ACAD11: variants seen among roughly 807,000 people sequenced by gnomAD.
ACAD11 encodes acyl-Coenzyme A dehydrogenase family, member 11.
In ACAD11, 83 loss-of-function variants were observed where a neutral mutation model predicts 102.2. The observed-to-expected ratio is 0.81, with a 90% CI of 0.68 to 0.97. The LOEUF is 0.97. Ranked by LOEUF, ACAD11 falls within the 50% of genes least tolerant of loss-of-function variation. The pLI is 0.00. For synonymous variants in ACAD11, 324 were observed against 319.8 expected, an observed-to-expected ratio of 1.01 and a Z score of -0.14; for missense variants, 901 against 951.7, an observed-to-expected ratio of 0.95 and a Z score of 0.70.
chr3:132,645,832 G>C (rs1031230172), intron 1 of ACAD11: 2 of 152,212 alleles, frequency 1.3e-5, no homozygotes, highest in Admixed American at 6.5e-5. Flanking sequence ...ACTGGTTTTG[G>C]TACCATCTAA....
chr3:132,582,760 T>C (rs925231244), intron 13 of ACAD11, among the ~76,000 whole-genome samples: 13 of 151,874 alleles, frequency 8.6e-5, no homozygotes, highest in Non-Finnish European at 1.9e-4. Flanking sequence ...CTAAAATGGG[T>C]GACTCTGTTC....
chr3:132,577,132 G>T, intron 15 of ACAD11, 117 bp from the exon 16 acceptor site: 1 of 686,916 alleles, frequency 1.5e-6, no homozygotes, highest in Non-Finnish European at 2.5e-6. Flanking sequence ...GATCCATATG[G>T]CATGAACATT....
Position 132,594,614 on chromosome 3 carries a change from A to G in ACAD11, c.1621+8615T>C, listed in dbSNP as rs137955929. ...AAATTTAAATAAGTACCAACAATAC[A>G]GTGAAAAGACTGGTATATCTGATCT... On this transcript the variant is annotated intron_variant, in intron 13 of 19. Coordinates refer to ENST00000264990, the MANE Select transcript of ACAD11 (RefSeq NM_032169.5). Among the ~76,000 whole-genome samples the G allele has an allele frequency of 2.9e-4, 44 of 152,334 alleles. 1 individual carries two copies. In the East Asian group the frequency reaches 7.7e-3, roughly 27 times the overall value.
intron 17 of ACAD11, among the ~76,000 whole-genome samples, chr3:132,562,910 A>G (rs777132771): frequency 9.8e-5 from 15 of 152,322 alleles, no homozygotes; most frequent in Non-Finnish European, 1.8e-4. Flanking sequence ...CTAATCCCAG[A>G]AAATGATTTT....
At position 132,612,291 on chromosome 3, in the gene ACAD11, A is replaced by C. The variant is rs1234861554; in HGVS notation, c.1414+6343T>G. On this transcript the variant is annotated intron_variant, in intron 11 of 19. Coordinates refer to ENST00000264990, the MANE Select transcript of ACAD11 (RefSeq NM_032169.5). ...AAAACCCTAGAAGAAAACCTAGGCA[A>C]TACCATTCAGGACATAGGTATGGGC... 5.3e-5 allele frequency among the ~76,000 whole-genome samples: 8 copies of C among 152,050 alleles called. 1 individual carries two copies. Among genetic ancestry groups the C allele is most frequent in the African/African-American group, 1.5e-4 (6 of 41,310 alleles).
At chr3:132,559,726 T>C in intron 19 of ACAD11, 107 bp downstream of exon 19, 1 of 844,398 alleles carries the variant, frequency 1.2e-6, no homozygotes, top group Non-Finnish European at 1.9e-6. Context: ...TCATTTAGCC[T>C]TCAATTACAC....
Position 132,631,219 on chromosome 3 carries a change from A to T in ACAD11, c.841+122T>A, listed in dbSNP as rs535315341. On this transcript the variant is annotated intron_variant, in intron 6 of 19. Coordinates refer to ENST00000264990, the MANE Select transcript of ACAD11 (RefSeq NM_032169.5). Reference sequence around the variant, plus strand: ...TAAAATAAAAATAAAAATCATAATAAAATAGAAATGTTTAAGAAACAAAAA... The same window carrying T: ...TAAAATAAAAATAAAAATCATAATATAATAGAAATGTTTAAGAAACAAAAA... 3.2e-5 allele frequency: 16 copies of T among 497,816 alleles called. No individual in the cohort carries two copies. The South Asian group carries it at 1.7e-3, about 52-fold the overall frequency. 30.8% of individuals were successfully genotyped at this position (497,816 alleles called of 1,614,324 possible).
chr3:132,602,944 A>G (rs1440559104), intron 13 of ACAD11, among the ~76,000 whole-genome samples: 1 of 152,110 alleles, frequency 6.6e-6, no homozygotes, highest in Non-Finnish European at 1.5e-5. Flanking sequence ...TTGGGATTAC[A>G]GGTGCCTGTC....
chr3:132,629,652 T>C (rs1480964506), intron 7 of ACAD11, among the ~76,000 whole-genome samples: 1 of 152,222 alleles, frequency 6.6e-6, no homozygotes, highest in African/African-American at 2.4e-5. Context: ...ACACAACTAT[T>C]TCAGTTGTTC....
intron 17 of ACAD11, among the ~76,000 whole-genome samples, chr3:132,574,411 T>C (rs941845671): frequency 6.6e-6 from 1 of 152,222 alleles, no homozygotes; most frequent in Non-Finnish European, 1.5e-5. Context: ...CGCTGTATAC[T>C]AAAAGGGCTC....
intron 17 of ACAD11, 134 bp from the exon 18 acceptor site, chr3:132,561,351 T>A: frequency 1.4e-6 from 1 of 714,608 alleles, no homozygotes. Context: ...CTCTATGTAT[T>A]TTTAAATGGA....
At chr3:132,600,604 C>T in intron 13 of ACAD11, 1 of 1,613,762 alleles carries the variant, frequency 6.2e-7, no homozygotes, top group Non-Finnish European at 8.5e-7. Flanking sequence ...ATGCCTATTA[C>T]AAGAAACAGA....
intron 1 of ACAD11, chr3:132,647,416 C>T (rs1414264229): frequency 1.3e-5 from 2 of 152,154 alleles, no homozygotes; most frequent in Non-Finnish European, 1.5e-5. Flanking sequence ...TGTGTCTAAC[C>T]TCCATTAACA....
intron 17 of ACAD11, among the ~76,000 whole-genome samples, chr3:132,571,345 G>GTTT (rs533091323): frequency 1.2e-4 from 16 of 128,964 alleles, no homozygotes; most frequent in Middle Eastern, 4.1e-3. Flanking sequence ...CTTTTTAACG[G>GTTT]TTTTTTTTTT....
chr3:132,571,722 AG>A (rs1559933592), intron 17 of ACAD11, among the ~76,000 whole-genome samples: 1 of 152,170 alleles, frequency 6.6e-6, no homozygotes, highest in African/African-American at 2.4e-5. Context: ...ATGATCCAGT[AG>A]GCTATATCCT....
At chr3:132,585,920 G>T (rs1937800801) in intron 13 of ACAD11, among the ~76,000 whole-genome samples, 2 of 152,206 alleles carry the variant, frequency 1.3e-5, no homozygotes, top group Admixed American at 6.5e-5. Flanking sequence ...AACCATTGTG[G>T]AAGTCAGTGT....
rs775986163 is a variant in ACAD11, at chr3:132,601,053, G to A, written c.1621+2176C>T. The A allele has an allele frequency of 8.7e-6, 14 of 1,613,976 alleles. No individual in the cohort carries two copies. In the South Asian group the frequency reaches 1.2e-4, roughly 14 times the overall value. ...GTACCCTTTCTTATTATGGGGGTGTGCTACTTTATCACAGCAAGGACACTC... is the reference window on the plus strand; with the variant it reads ...GTACCCTTTCTTATTATGGGGGTGTACTACTTTATCACAGCAAGGACACTC... On this transcript the variant is annotated intron_variant, in intron 13 of 19. Coordinates refer to ENST00000264990, the MANE Select transcript of ACAD11 (RefSeq NM_032169.5).
At chr3:132,583,808 C>A (rs950176472) in intron 13 of ACAD11, among the ~76,000 whole-genome samples, 3 of 152,080 alleles carry the variant, frequency 2.0e-5, no homozygotes, top group African/African-American at 7.2e-5. Flanking sequence ...TCGTTATGTA[C>A]CTAGTAGTCA....
rs1416061992 is a variant in ACAD11, at chr3:132,641,846, A to T, written c.537+126T>A. On this transcript the variant is annotated intron_variant, in intron 4 of 19. Coordinates refer to ENST00000264990, the MANE Select transcript of ACAD11 (RefSeq NM_032169.5). ...TTTATACTAAAAACTAGTCATTCTG[A>T]AGGACAATGTTAAAAGTCATGGCCA... 5 of 826,586 alleles carry T rather than the reference A, an allele frequency of 6.0e-6. No homozygotes were observed. In the African/African-American group the frequency reaches 6.9e-5, roughly 11 times the overall value. 51.2% of individuals were successfully genotyped at this position (826,586 alleles called of 1,614,324 possible).
Sources: gnomAD v4.1 joint callset for allele counts (sites outside exome capture counted in the v4.1 genomes callset) on GRCh38, gnomAD v4.1.1 for gene constraint, MANE v1.5 for transcripts, NCBI Gene and HGNC (gene_info 2026-07-23, HGNC 2026-07-21) for gene names.